SRBD1: variants seen among roughly 807,000 people sequenced by gnomAD.
The protein encoded by SRBD1 is S1 RNA binding domain 1, also known as S1 RNA-binding domain-containing protein 1.
SRBD1 carries 88 observed loss-of-function variants against 115.3 expected under a neutral mutation model. That is an observed-to-expected ratio of 0.76 (90% CI 0.64 to 0.91). SRBD1 has a LOEUF of 0.91. Among genes scored for constraint, SRBD1 ranks in the 40% least tolerant of loss-of-function variants. The pLI, the probability that SRBD1 is intolerant of heterozygous loss-of-function variation, is 0.00. For synonymous variants in SRBD1, 509 were observed against 407.7 expected (o/e 1.25, Z -2.99); for missense variants, 1,385 against 1,177.4 (o/e 1.18, Z -2.58).
In SRBD1 at chr2:45,574,622, C is replaced by T. The variant is rs1192104450; in HGVS notation, c.1169+5G>A. The T allele has an allele frequency of 6.2e-7, 1 of 1,612,114 alleles. No individual in the cohort carries two copies. On this transcript the variant is annotated splice_donor_5th_base_variant and intron_variant, in intron 8 of 20. Transcript: ENST00000263736. ...AGCAGAAAACTCCATAAAAGAGATA[C>T]TCACAAGTTCCGAATGAAGTCAAGC...
chr2:45,434,683 C>T (rs532872247), intron 16 of SRBD1, among the ~76,000 whole-genome samples: 8 of 152,098 alleles, frequency 5.3e-5, no homozygotes, highest in Non-Finnish European at 1.2e-4. Flanking sequence ...TTGACTTAAA[C>T]TTTTGGCCCA....
At chr2:45,553,354 G>A (rs1416940167) in intron 11 of SRBD1, among the ~76,000 whole-genome samples, 1 of 152,128 alleles carries the variant, frequency 6.6e-6, no homozygotes. Context: ...ACTGCCTCCA[G>A]CTGCAAGACT....
At chr2:45,589,694 ATT>A (rs1480142736) in intron 4 of SRBD1, among the ~76,000 whole-genome samples, 13 of 152,208 alleles carry the variant, frequency 8.5e-5, no homozygotes, top group African/African-American at 3.1e-4. Context: ...GATCCTTGAA[ATT>A]AAGGCTAACA....
chr2:45,441,264 A>C (rs1486825744), intron 16 of SRBD1, among the ~76,000 whole-genome samples: 1 of 152,154 alleles, frequency 6.6e-6, no homozygotes, highest in Non-Finnish European at 1.5e-5. Context: ...CAGGCACTCC[A>C]TGTGATCTGC....
rs149606493 is a variant in SRBD1, at chr2:45,557,687, T to C, written c.1410-3957A>G. On this transcript the variant is annotated intron_variant, in intron 10 of 20. Transcript: ENST00000263736. ...CCCTTCACCGGCTTCCTGGGATTTA[T>C]TGAAGGCACTTAGCATACTAAGGAA... 3.7e-3 allele frequency among the ~76,000 whole-genome samples: 565 copies of C among 152,318 alleles called. 10 individuals carry two copies. The highest frequency in any genetic ancestry group is 0.013 in the African/African-American group (535 of 41,564).
chr2:45,508,441 T>C (rs1314954045), intron 14 of SRBD1, among the ~76,000 whole-genome samples: 1 of 152,190 alleles, frequency 6.6e-6, no homozygotes, highest in Non-Finnish European at 1.5e-5. Context: ...AAAGCCTCCA[T>C]TCCAAAATAA....
chr2:45,453,310 A>C (rs1669053521), intron 16 of SRBD1, among the ~76,000 whole-genome samples: 1 of 151,692 alleles, frequency 6.6e-6, no homozygotes. Context: ...AAAGGAAAGA[A>C]AGACTCCACT....
chr2:45,395,766 T>A (rs983829909), intron 19 of SRBD1, among the ~76,000 whole-genome samples: 1 of 152,214 alleles, frequency 6.6e-6, no homozygotes, highest in African/African-American at 2.4e-5. Flanking sequence ...TAATGAATTT[T>A]AAATATAGTC....
At chr2:45,555,016 G>T (rs1672428313) in intron 10 of SRBD1, among the ~76,000 whole-genome samples, 1 of 151,046 alleles carries the variant, frequency 6.6e-6, no homozygotes, top group African/African-American at 2.4e-5. Context: ...TCCATATGCT[G>T]ATGATTTTAT....
intron 1 of SRBD1, among the ~76,000 whole-genome samples, chr2:45,610,495 G>A (rs1661210232): frequency 1.3e-5 from 2 of 152,214 alleles, no homozygotes; most frequent in African/African-American, 4.8e-5. Flanking sequence ...ACTCAAAGGG[G>A]AAAGATATGT....
intron 11 of SRBD1, among the ~76,000 whole-genome samples, chr2:45,551,837 G>A (rs1005343716): frequency 6.6e-6 from 1 of 152,186 alleles, no homozygotes; most frequent in Non-Finnish European, 1.5e-5. Flanking sequence ...AACAAGATCA[G>A]CTGAAAGAAG....
At chr2:45,545,717 T>C (rs1229063541) in intron 14 of SRBD1, among the ~76,000 whole-genome samples, 1 of 152,172 alleles carries the variant, frequency 6.6e-6, no homozygotes, top group Non-Finnish European at 1.5e-5. Context: ...TTTCAATCTG[T>C]TTCCTTCTTG....
intron 14 of SRBD1, among the ~76,000 whole-genome samples, chr2:45,508,721 T>C (rs1428777235): frequency 6.6e-6 from 1 of 152,226 alleles, no homozygotes; most frequent in East Asian, 1.9e-4. Flanking sequence ...TTTTTATTCT[T>C]AGAACTTTTT....
intron 4 of SRBD1, among the ~76,000 whole-genome samples, chr2:45,586,642 C>G (rs998099898): frequency 1.3e-5 from 2 of 151,672 alleles, no homozygotes; most frequent in East Asian, 3.9e-4. Context: ...AACTCGCAGG[C>G]TCAACTGATC....
At chr2:45,466,460 T>C (rs900370751) in intron 16 of SRBD1, among the ~76,000 whole-genome samples, 10 of 152,158 alleles carry the variant, frequency 6.6e-5, no homozygotes, top group Admixed American at 2.0e-4. Context: ...CTGACCTCCT[T>C]AAATAACTCT....
chr2:45,459,497 C>T (rs568049891), intron 16 of SRBD1, among the ~76,000 whole-genome samples: 2 of 152,186 alleles, frequency 1.3e-5, no homozygotes, highest in South Asian at 4.2e-4. Flanking sequence ...CCTTGAGGGT[C>T]CCTTGTAACC....
chr2:45,574,511 CT>C, intron 8 of SRBD1, 115 bp downstream of exon 8: 3 of 896,564 alleles, frequency 3.3e-6, no homozygotes, highest in Non-Finnish European at 5.1e-6. Flanking sequence ...AGTTTTGCTA[CT>C]TTAAAAAAAA....
intron 9 of SRBD1, among the ~76,000 whole-genome samples, chr2:45,566,870 C>A (rs1016050411): frequency 6.6e-6 from 1 of 152,056 alleles, no homozygotes; most frequent in East Asian, 1.9e-4. Context: ...ATCACTTCAA[C>A]ATATATTCAG....
At chr2:45,500,310 T>C (rs1670590590) in intron 14 of SRBD1, among the ~76,000 whole-genome samples, 1 of 151,854 alleles carries the variant, frequency 6.6e-6, no homozygotes, top group Non-Finnish European at 1.5e-5. Context: ...TATGTGTGTG[T>C]TTGGTTAAAT....
Sources: allele counts gnomAD v4.1 joint callset (sites outside exome capture counted in the v4.1 genomes callset), GRCh38; gene constraint gnomAD v4.1.1; transcripts MANE v1.5; gene names NCBI Gene and HGNC (gene_info 2026-07-23, HGNC 2026-07-21).